Variants in NLGN4X observed in about 807,000 individuals in gnomAD.
NLGN4X encodes the protein neuroligin 4 X-linked, also known as neuroligin-4, X-linked.
In NLGN4X, 3 loss-of-function variants were observed where a neutral mutation model predicts 40.3. The ratio of observed to expected loss-of-function variants is 0.07; its 90% CI spans 0.03 to 0.19. The LOEUF is 0.19. Ranked by LOEUF, NLGN4X falls within the 10% of genes least tolerant of loss-of-function variation. NLGN4X has a pLI of 1.00. For synonymous variants in NLGN4X, 270 were observed against 306.8 expected, an observed-to-expected ratio of 0.88 and a Z score of 1.25; for missense variants, 382 against 708.3, an observed-to-expected ratio of 0.54 and a Z score of 5.23.
At chrX:6,069,724 A>T (rs2038013577) in intron 2 of NLGN4X, among the ~76,000 whole-genome samples, 1 of 112,155 alleles carries the variant, frequency 8.9e-6, no homozygotes, top group South Asian at 3.7e-4. Flanking sequence ...GAAATACAAA[A>T]TGGAGCAAAG....
intron 2 of NLGN4X, among the ~76,000 whole-genome samples, chrX:6,034,621 G>A (rs2036953624): frequency 9.0e-6 from 1 of 111,473 alleles, no homozygotes; most frequent in African/African-American, 3.3e-5. Flanking sequence ...GGTATAAAGG[G>A]TCTCTATTTC....
chrX:6,081,516 A>G lies in NLGN4X; in HGVS notation c.473-52084T>C, dbSNP rs755357112. Among the ~76,000 whole-genome samples the G allele has an allele frequency of 2.7e-5, 3 of 112,549 alleles. No homozygotes were observed. In the South Asian group the frequency reaches 1.1e-3, roughly 42 times the overall value. ...CTCCTGGTAAAGGCAAAGCATCAGG[A>G]TGAGAAAGCATGTCTGAGAAGGGCC... On this transcript the variant is annotated intron_variant, in intron 2 of 5. Coordinates refer to ENST00000381095, the MANE Select transcript of NLGN4X (RefSeq NM_181332.3).
chrX:5,979,626 T>C (rs1453993493), intron 3 of NLGN4X, among the ~76,000 whole-genome samples: 18 of 110,121 alleles, frequency 1.6e-4, no homozygotes, highest in Admixed American at 1.3e-3. Context: ...ATTGGGCTAT[T>C]GGTCATATGT....
chrX:6,208,176 C>T (rs1924204510), intron 1 of NLGN4X, among the ~76,000 whole-genome samples: 1 of 112,092 alleles, frequency 8.9e-6, no homozygotes, highest in Non-Finnish European at 1.9e-5. Context: ...ATCTGTGGAA[C>T]AGTAAATCTC....
At chrX:5,981,420 C>T (rs1482229635) in intron 3 of NLGN4X, among the ~76,000 whole-genome samples, 1 of 90,604 alleles carries the variant, frequency 1.1e-5, no homozygotes, top group Non-Finnish European at 2.2e-5. Context: ...ACATAGTATA[C>T]AGGATTTATG....
intron 1 of NLGN4X, among the ~76,000 whole-genome samples, chrX:6,185,546 C>T (rs1354121008): frequency 8.9e-6 from 1 of 111,783 alleles, no homozygotes; most frequent in Non-Finnish European, 1.9e-5. Context: ...TCCAAGGAAG[C>T]GTACTGAGTC....
At chrX:6,004,271 G>A (rs1166414851) in intron 3 of NLGN4X, among the ~76,000 whole-genome samples, 2 of 112,102 alleles carry the variant, frequency 1.8e-5, no homozygotes, top group Middle Eastern at 4.7e-3. Context: ...CCACACAAAC[G>A]TGCCCCTTGC....
chrX:6,168,001 C>G (rs1339232894), intron 1 of NLGN4X, among the ~76,000 whole-genome samples: 1 of 112,084 alleles, frequency 8.9e-6, no homozygotes, highest in African/African-American at 3.2e-5. Context: ...TCTTTCACTA[C>G]AGTAATCAGA....
At chrX:5,937,008 G>A (rs1015420867) in intron 3 of NLGN4X, among the ~76,000 whole-genome samples, 2 of 111,241 alleles carry the variant, frequency 1.8e-5, no homozygotes, top group African/African-American at 6.5e-5. Flanking sequence ...AGGATAAAAT[G>A]CCCCCAAGTT....
At chrX:6,066,756 G>A (rs1430849535) in intron 2 of NLGN4X, among the ~76,000 whole-genome samples, 1 of 110,841 alleles carries the variant, frequency 9.0e-6, no homozygotes, top group African/African-American at 3.3e-5. Context: ...TTGCACTCCA[G>A]CCTGGGTGAC....
intron 1 of NLGN4X, among the ~76,000 whole-genome samples, chrX:6,167,069 CAAAAAA>C (rs869227439): frequency 1.1e-3 from 64 of 59,260 alleles, no homozygotes; most frequent in African/African-American, 3.9e-3. Context: ...GAAACTGTCT[CAAAAAA>C]AAAAAAAAAA....
chrX:5,973,621 G>C (rs1258023304), intron 3 of NLGN4X, among the ~76,000 whole-genome samples: 4 of 111,561 alleles, frequency 3.6e-5, no homozygotes, highest in Non-Finnish European at 7.5e-5. Flanking sequence ...AGGAGATGGA[G>C]ACCATCCTGG....
chrX:6,141,031 T>C (rs766457777), intron 2 of NLGN4X, among the ~76,000 whole-genome samples: 3 of 111,713 alleles, frequency 2.7e-5, no homozygotes, highest in Non-Finnish European at 3.8e-5. Flanking sequence ...TCTGGTTCCC[T>C]TGCCTTTAAG....
At chrX:5,984,509 G>T (rs979539167) in intron 3 of NLGN4X, among the ~76,000 whole-genome samples, 62 of 111,346 alleles carry the variant, frequency 5.6e-4, no homozygotes, top group African/African-American at 2.0e-3. Context: ...AAGAAACCAC[G>T]ATTGCAAATT....
At chrX:5,975,537 C>T (rs1035265750) in intron 3 of NLGN4X, among the ~76,000 whole-genome samples, 5 of 103,429 alleles carry the variant, frequency 4.8e-5, no homozygotes, top group Admixed American at 1.1e-4. Context: ...TGCTTGAACC[C>T]GGGAGATGGA....
chrX:5,943,935 T>C (rs2034037783), intron 3 of NLGN4X, among the ~76,000 whole-genome samples: 1 of 112,310 alleles, frequency 8.9e-6, no homozygotes, highest in Non-Finnish European at 1.9e-5. Context: ...AAATGCATGA[T>C]TCTGTATCTC....
At chrX:6,219,790 A>C (rs919224848) in intron 1 of NLGN4X, among the ~76,000 whole-genome samples, 2 of 111,799 alleles carry the variant, frequency 1.8e-5, no homozygotes, top group African/African-American at 6.5e-5. Context: ...AATAGGAAAG[A>C]GTAATGAAAA....
intron 1 of NLGN4X, among the ~76,000 whole-genome samples, chrX:6,218,471 AACCCAC>A (rs1486687731): frequency 4.8e-4 from 35 of 72,308 alleles, no homozygotes; most frequent in East Asian, 8.4e-4. Flanking sequence ...TGAGAGATTA[AACCCAC>A]ACACACACAC....
At chrX:5,989,092 AT>A (rs758385558) in intron 3 of NLGN4X, among the ~76,000 whole-genome samples, 13,253 of 100,335 alleles carry the variant, frequency 0.13, 701 homozygotes, top group East Asian at 0.26. Flanking sequence ...AATAAAAAAA[AT>A]AAAAAAAAAA....
Sources: allele counts gnomAD v4.1 joint callset (sites outside exome capture counted in the v4.1 genomes callset), GRCh38; gene constraint gnomAD v4.1.1; transcripts MANE v1.5; gene names NCBI Gene and HGNC (gene_info 2026-07-23, HGNC 2026-07-21).